The following FBXW4 variants were observed in gnomAD, a reference collection of about 807,000 sequenced individuals.
FBXW4 encodes F-box/WD repeat-containing protein 4.
In FBXW4, 40 loss-of-function variants were observed where a neutral mutation model predicts 61.8. That is an observed-to-expected ratio of 0.65 (90% CI 0.50 to 0.84). The LOEUF is 0.84. Ranked by LOEUF, FBXW4 falls within the 40% of genes least tolerant of loss-of-function variation. The probability of loss-of-function intolerance (pLI) is 0.00; values close to 1 mark genes in which losing one functional copy is unlikely to be tolerated. For synonymous variants in FBXW4, 311 were observed against 313.8 expected (o/e 0.99, Z 0.10); for missense variants, 672 against 753.8 (o/e 0.89, Z 1.27).
intron 1 of FBXW4, among the ~76,000 whole-genome samples, chr10:101,693,185 C>T (rs2064630128): frequency 6.6e-6 from 1 of 152,242 alleles, no homozygotes; most frequent in South Asian, 2.1e-4. Context: ...AATTTGTTCA[C>T]TCTGTGCTGG....
At chr10:101,644,508 G>C (rs1589756338) in intron 5 of FBXW4, among the ~76,000 whole-genome samples, 1 of 152,198 alleles carries the variant, frequency 6.6e-6, no homozygotes, top group Non-Finnish European at 1.5e-5. Context: ...AACTGAACCT[G>C]AGCAGCCATG....
At position 101,634,701 on chromosome 10, in the gene FBXW4, A is replaced by G. The variant is rs1444382280; in HGVS notation, c.1236-9891T>C. ...ACTGAATACACATTTGAAAAAAAAAATTAGAAGCCTACCTCCCAGCAGATA... is the reference window on the plus strand; with the variant it reads ...ACTGAATACACATTTGAAAAAAAAAGTTAGAAGCCTACCTCCCAGCAGATA... On this transcript the variant is annotated intron_variant, in intron 5 of 8. Transcript: ENST00000331272. Among the ~76,000 whole-genome samples, 6 of 149,058 alleles carry G rather than the reference A, an allele frequency of 4.0e-5. 1 individual carries two copies. Among genetic ancestry groups the G allele is most frequent in the Non-Finnish European group, 8.9e-5 (6 of 67,250 alleles).
At chr10:101,635,027 G>A (rs1032480858) in intron 5 of FBXW4, among the ~76,000 whole-genome samples, 6 of 149,068 alleles carry the variant, frequency 4.0e-5, no homozygotes, top group South Asian at 2.1e-4. Context: ...CAACCAGGAC[G>A]CACAGTAGGA....
At chr10:101,612,585 G>C in intron 6 of FBXW4, 108 bp from the exon 7 acceptor site, 2 of 1,255,176 alleles carry the variant, frequency 1.6e-6, no homozygotes, top group Admixed American at 2.8e-5. Flanking sequence ...TCCTCAGCTA[G>C]AATGAGACTC....
Position 101,694,654 on chromosome 10 carries a change from C to A in FBXW4, c.452G>T (p.Gly151Val), listed in dbSNP as rs765859592. Residue 151 changes from glycine to valine, a missense_variant, in exon 1 of 9, where the codon GGG (glycine) becomes GTG (valine). Gly to Val is a moderately radical substitution (Grantham distance 109). Transcript: ENST00000331272. This position sits in a 1 kb window ranked among gnomAD's most constrained non-coding sequence, Gnocchi z 6.0. ...RGGQAWADIAGTGVAMAAAAG... is the reference protein window; with the variant it reads ...RGGQAWADIAVTGVAMAAAAG... Reference sequence around the variant, plus strand: ...CGCCGCCGCCATGGCCACCCCTGTCCCCGCGATGTCGGCCCAAGCCTGACC... The same window carrying A: ...CGCCGCCGCCATGGCCACCCCTGTCACCGCGATGTCGGCCCAAGCCTGACC... The A allele has an allele frequency of 7.1e-7, 1 of 1,412,088 alleles. No homozygotes were observed. The highest frequency in any genetic ancestry group is 9.1e-7 in the Non-Finnish European group (1 of 1,093,324). The allele number at this position is 1,412,088 out of a possible 1,614,324, so 87.5% of individuals were successfully genotyped here.
chr10:101,643,119 A>G (rs2134847949), intron 5 of FBXW4, among the ~76,000 whole-genome samples: 1 of 152,292 alleles, frequency 6.6e-6, no homozygotes, highest in East Asian at 1.9e-4. Flanking sequence ...GAGACCAAGA[A>G]AGCATGTGTC....
At chr10:101,675,524 C>T (rs903825703) in intron 2 of FBXW4, among the ~76,000 whole-genome samples, 1 of 152,166 alleles carries the variant, frequency 6.6e-6, no homozygotes, top group Non-Finnish European at 1.5e-5. Context: ...ACCATCATCA[C>T]CACCACTACC....
At chr10:101,618,382 C>T (rs966055507) in intron 6 of FBXW4, among the ~76,000 whole-genome samples, 17 of 152,246 alleles carry the variant, frequency 1.1e-4, no homozygotes, top group Non-Finnish European at 2.2e-4. Context: ...TATTGAAGAG[C>T]GAGCAGGGTT....
chr10:101,645,068 G>A (rs377755004), intron 5 of FBXW4, among the ~76,000 whole-genome samples: 1 of 152,294 alleles, frequency 6.6e-6, no homozygotes, highest in South Asian at 2.1e-4. Context: ...ACCCCAGCCT[G>A]CTCCTTCAAT....
chr10:101,611,691 G>A lies in FBXW4; in HGVS notation c.1521C>T (p.Ala507=), dbSNP rs751609130. ...CAACACCGTAGTAGGAGGAACCTGT[G>A]GCCAGCAGGTGGTTGCCATCTGTCT... is the stretch of plus-strand genomic sequence containing the variant. ...CLQTDGNHLL[A]TGSSYYGVVR... Residue 507 remains alanine (A), a synonymous_variant, in exon 8 of 9, where the codon GCC becomes GCT. Transcript: ENST00000331272. The surrounding 1 kb of genome is among the most constrained non-coding windows in gnomAD (Gnocchi z 4.9). 15 of 1,614,054 alleles carry A rather than the reference G, an allele frequency of 9.3e-6. No individual in the cohort carries two copies. In the East Asian group the frequency reaches 2.5e-4, roughly 26 times the overall value.
At position 101,673,051 on chromosome 10, in the gene FBXW4, G is replaced by A. The variant is rs767472289; in HGVS notation, c.1008-4C>T. 7.4e-6 allele frequency: 12 copies of A among 1,613,430 alleles called. No individual in the cohort carries two copies. The Admixed American group carries it at 2.0e-4, about 27-fold the overall frequency. On this transcript the variant is annotated splice_polypyrimidine_tract_variant and splice_region_variant and intron_variant, in intron 3 of 8. Coordinates refer to ENST00000331272, the MANE Select transcript of FBXW4 (RefSeq NM_022039.4). ...ATGAATGCCAATCTTCCCATCCCTA[G>A]GAGAGAAATAAGGAGCCGACCCCCA...
chr10:101,684,865 G>A (rs913906568), intron 1 of FBXW4, among the ~76,000 whole-genome samples: 2 of 152,104 alleles, frequency 1.3e-5, no homozygotes, highest in Admixed American at 1.3e-4. Context: ...ACAGAGAATA[G>A]CCCCAAAATT....
At chr10:101,692,779 A>G (rs1367314355) in intron 1 of FBXW4, among the ~76,000 whole-genome samples, 1 of 150,756 alleles carries the variant, frequency 6.6e-6, no homozygotes, top group Admixed American at 6.6e-5. Flanking sequence ...TCAAATTTGT[A>G]AGAAAACCAG....
At chr10:101,621,615 A>G (rs1463319422) in intron 6 of FBXW4, among the ~76,000 whole-genome samples, 5 of 152,172 alleles carry the variant, frequency 3.3e-5, no homozygotes, top group Non-Finnish European at 5.9e-5. Context: ...CATTAGTTGA[A>G]TGCCTCCAAG....
intron 1 of FBXW4, among the ~76,000 whole-genome samples, chr10:101,689,366 TC>T (rs2064567024): frequency 6.6e-6 from 1 of 152,206 alleles, no homozygotes; most frequent in Non-Finnish European, 1.5e-5. Flanking sequence ...CTTCCATTCT[TC>T]CAGTTCGCAT....
rs1287202780 is a variant in FBXW4 at position 101,640,570 on chromosome 10, C to T, written c.1236-15760G>A. Among the ~76,000 whole-genome samples, 3 of 134,018 alleles carry T rather than the reference C, an allele frequency of 2.2e-5. No homozygotes were observed. In the Admixed American group the frequency reaches 2.6e-4, roughly 12 times the overall value. 87.9% of individuals were successfully genotyped at this position (134,018 alleles called of 152,430 possible). On this transcript the variant is annotated intron_variant, in intron 5 of 8. Coordinates refer to ENST00000331272, the MANE Select transcript of FBXW4 (RefSeq NM_022039.4). The stretch of plus-strand genomic sequence containing the variant: ...GCAGTGGCATGATCTTGGCTCACTG[C>T]AACCTCTGCTTCCTGGGTTCAAGCG...
At chr10:101,687,817 G>A in intron 1 of FBXW4, among the ~76,000 whole-genome samples, 1 of 152,126 alleles carries the variant, frequency 6.6e-6, no homozygotes, top group Admixed American at 6.5e-5. Flanking sequence ...TACACTAAAT[G>A]CTCTTCAATT....
chr10:101,634,624 G>A lies in FBXW4; in HGVS notation c.1236-9814C>T, dbSNP rs1373054403. On this transcript the variant is annotated intron_variant, in intron 5 of 8. Transcript: ENST00000331272. ...TGTAGAAAATCAATAGATCCTAAGT[G>A]TGGTCTTTAAGAGAGTAAAGAATGA... Among the ~76,000 whole-genome samples the A allele has an allele frequency of 1.3e-5, 2 of 148,698 alleles. 1 individual carries two copies. The highest frequency in any genetic ancestry group is 5.1e-5 in the African/African-American group (2 of 39,554).
chr10:101,617,371 C>CA (rs2063833732), intron 6 of FBXW4, among the ~76,000 whole-genome samples: 1 of 152,184 alleles, frequency 6.6e-6, no homozygotes. Flanking sequence ...GGGTCACCTC[C>CA]AGCCCTTTCC....
Sources: gnomAD v4.1 joint callset for allele counts (sites outside exome capture counted in the v4.1 genomes callset) on GRCh38, gnomAD v4.1.1 for gene constraint, Gnocchi (gnomAD v3.1) non-coding constraint, MANE v1.5 for transcripts, NCBI Gene and HGNC (gene_info 2026-07-23, HGNC 2026-07-21) for gene names.